Variants in DNAJC1 observed in about 807,000 individuals in gnomAD.
The protein encoded by DNAJC1 is dnaJ homolog subfamily C member 1.
A neutral mutation model predicts 76.6 loss-of-function variants in DNAJC1; 58 were observed. The observed-to-expected ratio is 0.76, with a 90% CI of 0.61 to 0.94. The LOEUF (loss-of-function observed/expected upper bound fraction) is 0.94. DNAJC1 is among the 40% of genes least tolerant of loss of function. DNAJC1 has a pLI of 0.00. For synonymous variants in DNAJC1, 258 were observed against 267.9 expected (o/e 0.96, Z 0.36); for missense variants, 689 against 677.3 (o/e 1.02, Z -0.19).
chr10:21,792,104 G>A (rs564335089), intron 9 of DNAJC1, among the ~76,000 whole-genome samples: 1 of 152,264 alleles, frequency 6.6e-6, no homozygotes, highest in East Asian at 1.9e-4. Flanking sequence ...CACTTTCAGA[G>A]CACAACCGCT....
intron 1 of DNAJC1, among the ~76,000 whole-genome samples, chr10:21,981,655 T>A (rs980430898): frequency 5.4e-4 from 82 of 152,272 alleles, no homozygotes; most frequent in African/African-American, 1.9e-3. Flanking sequence ...TTTTAAAGAT[T>A]ACATGAGATA....
chr10:21,903,879 G>C (rs1361675094), intron 7 of DNAJC1, among the ~76,000 whole-genome samples: 1 of 152,062 alleles, frequency 6.6e-6, no homozygotes, highest in Non-Finnish European at 1.5e-5. Context: ...TAAGTGCTTG[G>C]AATAAAAATA....
intron 10 of DNAJC1, among the ~76,000 whole-genome samples, chr10:21,760,810 CTG>C (rs1283821661): frequency 6.6e-6 from 1 of 152,184 alleles, no homozygotes; most frequent in Admixed American, 6.5e-5. Context: ...ACTTGTGACT[CTG>C]TAATTTTACT....
chr10:21,860,470 A>G (rs988875018), intron 8 of DNAJC1, among the ~76,000 whole-genome samples: 5 of 152,092 alleles, frequency 3.3e-5, no homozygotes, highest in African/African-American at 4.8e-5. Context: ...AAGCAGGCAG[A>G]TCGTGAGGTC....
chr10:21,847,035 A>C (rs897959876), intron 8 of DNAJC1, among the ~76,000 whole-genome samples: 5 of 152,094 alleles, frequency 3.3e-5, no homozygotes, highest in African/African-American at 1.2e-4. Flanking sequence ...ACTAGAAATA[A>C]ATATGTATTA....
intron 8 of DNAJC1, among the ~76,000 whole-genome samples, chr10:21,838,372 A>G (rs895306658): frequency 1.3e-5 from 2 of 152,154 alleles, no homozygotes; most frequent in African/African-American, 4.8e-5. Flanking sequence ...TCAGGGTTAA[A>G]TGGATTAAGG....
chr10:21,938,448 G>A (rs1035981681), intron 1 of DNAJC1, among the ~76,000 whole-genome samples: 1 of 151,680 alleles, frequency 6.6e-6, no homozygotes, highest in African/African-American at 2.4e-5. Flanking sequence ...TCTGCCTTAG[G>A]TGACTCAAGC....
chr10:21,785,025 A>C (rs899291989), intron 9 of DNAJC1, among the ~76,000 whole-genome samples: 2 of 152,224 alleles, frequency 1.3e-5, no homozygotes, highest in Admixed American at 1.3e-4. Flanking sequence ...TGTTGTGCAC[A>C]TGTACCCTAG....
chr10:21,854,891 T>C (rs1197045910), intron 8 of DNAJC1, among the ~76,000 whole-genome samples: 2 of 152,164 alleles, frequency 1.3e-5, no homozygotes, highest in African/African-American at 4.8e-5. Context: ...TAAAGTCAAA[T>C]GGCCATCACA....
chr10:21,761,586 A>T (rs1031446347), intron 10 of DNAJC1, among the ~76,000 whole-genome samples: 1 of 152,066 alleles, frequency 6.6e-6, no homozygotes, highest in Non-Finnish European at 1.5e-5. Context: ...TAATTTTTAA[A>T]AATATAAAAA....
At chr10:21,891,476 C>CAAAAAAAAAAAAAAAAAAAAAAAAAAA (rs369729722) in intron 7 of DNAJC1, among the ~76,000 whole-genome samples, 2 of 38,866 alleles carry the variant, frequency 5.1e-5, no homozygotes, top group Non-Finnish European at 5.1e-5. Context: ...ACAAAGTAGA[C>CAAAAAAAAAAAAAAAAAAAAAAAAAAA]AAAAAAAAAA....
At chr10:21,976,517 G>C (rs1473360014) in intron 1 of DNAJC1, among the ~76,000 whole-genome samples, 2 of 152,178 alleles carry the variant, frequency 1.3e-5, no homozygotes, top group Non-Finnish European at 2.9e-5. Flanking sequence ...CTTCTGGCCA[G>C]TTATTTGTCA....
In DNAJC1 at chr10:22,002,859, A is replaced by T. The variant is rs75544801; in HGVS notation, c.222+354T>A. 1.0e-4 allele frequency among the ~76,000 whole-genome samples: 13 copies of T among 127,952 alleles called. No homozygotes were observed. In the South Asian group the frequency reaches 2.6e-3, roughly 26 times the overall value. The allele number at this position is 127,952 out of a possible 152,430, so 83.9% of individuals were successfully genotyped here. On this transcript the variant is annotated intron_variant, in intron 1 of 11. Coordinates refer to ENST00000376980, the MANE Select transcript of DNAJC1 (RefSeq NM_022365.4). Reference sequence around the variant, plus strand: ...GAAGGCAAAAGGTAGGTGTTAAATTAAAAAAAAAAAAAAGTCTACCCACAC... The same window carrying T: ...GAAGGCAAAAGGTAGGTGTTAAATTTAAAAAAAAAAAAAGTCTACCCACAC...
At chr10:21,765,118 C>T (rs893234242) in intron 10 of DNAJC1, among the ~76,000 whole-genome samples, 4 of 152,168 alleles carry the variant, frequency 2.6e-5, no homozygotes, top group South Asian at 4.1e-4. Flanking sequence ...CCCATTGCCC[C>T]GTCTCTGCCT....
chr10:21,942,805 C>CAAAAAAAAAAAAAA (rs540122534), intron 1 of DNAJC1, among the ~76,000 whole-genome samples: 1 of 45,346 alleles, frequency 2.2e-5, no homozygotes, highest in African/African-American at 7.7e-5. Flanking sequence ...GACTCCATCT[C>CAAAAAAAAAAAAAA]AAAAAAAAAA....
intron 1 of DNAJC1, among the ~76,000 whole-genome samples, chr10:21,940,466 G>T (rs1276927183): frequency 6.6e-6 from 1 of 152,154 alleles, no homozygotes; most frequent in African/African-American, 2.4e-5. Context: ...AATCCTGGTT[G>T]CTGATAAGAG....
chr10:21,847,147 A>G (rs117588575), intron 8 of DNAJC1, among the ~76,000 whole-genome samples: 2,052 of 152,154 alleles, frequency 0.013, 27 homozygotes, highest in Non-Finnish European at 0.022. Flanking sequence ...GCATCTATGC[A>G]TTATTTTACT....
chr10:21,758,343 G>A (rs998420976), intron 11 of DNAJC1, among the ~76,000 whole-genome samples: 2 of 152,238 alleles, frequency 1.3e-5, no homozygotes, highest in Non-Finnish European at 2.9e-5. Flanking sequence ...TACAGGGAAA[G>A]AAGCCTCAAG....
chr10:22,003,704 C>T lies in DNAJC1; in HGVS notation c.-270G>A, dbSNP rs928431410. 5 of 356,440 alleles carry T rather than the reference C, an allele frequency of 1.4e-5. No homozygotes were observed. Among genetic ancestry groups the T allele is most frequent in the Admixed American group, 4.8e-5 (1 of 20,944 alleles). The allele number at this position is 356,440 out of a possible 1,614,324, so 22.1% of individuals were successfully genotyped here. On this transcript the variant is annotated 5_prime_UTR_variant, in exon 1 of 12. Transcript: ENST00000376980. ...CCAGGCCTACACACAGCTGTAGAGG[C>T]AGCGCCCGGCGCCTGGGCTGCACAG...
Sources: allele counts gnomAD v4.1 joint callset (sites outside exome capture counted in the v4.1 genomes callset), GRCh38; gene constraint gnomAD v4.1.1; transcripts MANE v1.5; gene names NCBI Gene and HGNC (gene_info 2026-07-23, HGNC 2026-07-21).